Variants in ROBO2 observed in about 807,000 individuals in gnomAD.
ROBO2 encodes the protein roundabout guidance receptor 2, also known as roundabout homolog 2.
In ROBO2, 53 loss-of-function variants were observed where a neutral mutation model predicts 160.8. The ratio of observed to expected loss-of-function variants is 0.33; its 90% CI spans 0.26 to 0.41. The LOEUF is 0.41. Ranked by LOEUF, ROBO2 falls within the 10% of genes least tolerant of loss-of-function variation. The pLI is 1.00. For synonymous variants in ROBO2, 664 were observed against 611.7 expected (o/e 1.09, Z -1.26); for missense variants, 1,577 against 1,722.4 (o/e 0.92, Z 1.49).
chr3:76,172,775 T>C (rs527290527), intron 2 of ROBO2, among the ~76,000 whole-genome samples: 1 of 152,178 alleles, frequency 6.6e-6, no homozygotes, highest in East Asian at 1.9e-4. Flanking sequence ...GGAAACAATT[T>C]AAAAAATAGA....
At chr3:76,276,617 A>AT (rs1371850547) in intron 2 of ROBO2, among the ~76,000 whole-genome samples, 19 of 152,008 alleles carry the variant, frequency 1.2e-4, no homozygotes, top group Non-Finnish European at 2.1e-4. Flanking sequence ...TCTATAATCT[A>AT]TTTTTTGTAA....
intron 2 of ROBO2, among the ~76,000 whole-genome samples, chr3:77,274,164 A>G (rs1197868438): frequency 1.3e-5 from 2 of 152,142 alleles, no homozygotes; most frequent in Admixed American, 6.6e-5. Context: ...TTTTTTCCCA[A>G]GAAACATTCG....
chr3:76,501,636 C>T (rs1388132063), intron 2 of ROBO2, among the ~76,000 whole-genome samples: 3 of 152,150 alleles, frequency 2.0e-5, no homozygotes, highest in African/African-American at 4.8e-5. Flanking sequence ...AGAATTTGAA[C>T]TCAATTTTGA....
At chr3:77,498,330 C>T (rs570981287) in intron 5 of ROBO2, among the ~76,000 whole-genome samples, 7 of 152,198 alleles carry the variant, frequency 4.6e-5, no homozygotes, top group Non-Finnish European at 7.4e-5. Flanking sequence ...TACATTTTTA[C>T]GTATGCCTGC....
At chr3:75,964,685 G>T (rs919893440) in intron 2 of ROBO2, among the ~76,000 whole-genome samples, 1 of 151,584 alleles carries the variant, frequency 6.6e-6, no homozygotes, top group African/African-American at 2.4e-5. Flanking sequence ...CAAAGCACAT[G>T]ATTTAATAGA....
intron 2 of ROBO2, among the ~76,000 whole-genome samples, chr3:76,384,235 G>A (rs761456175): frequency 3.9e-5 from 6 of 152,138 alleles, no homozygotes; most frequent in Non-Finnish European, 5.9e-5. Flanking sequence ...CATAATACAA[G>A]AGAAATGTTA....
At chr3:76,032,786 A>T (rs1426092294) in intron 2 of ROBO2, among the ~76,000 whole-genome samples, 1 of 152,032 alleles carries the variant, frequency 6.6e-6, no homozygotes, top group Non-Finnish European at 1.5e-5. Context: ...TACATTTCTA[A>T]TGTAAAAACT....
intron 2 of ROBO2, among the ~76,000 whole-genome samples, chr3:76,518,447 G>A (rs1011396648): frequency 6.6e-6 from 1 of 152,094 alleles, no homozygotes; most frequent in African/African-American, 2.4e-5. Context: ...AAAGGTAAGA[G>A]TGTGCTCCTC....
intron 2 of ROBO2, among the ~76,000 whole-genome samples, chr3:76,253,553 A>T (rs1056897259): frequency 6.6e-6 from 1 of 150,634 alleles, no homozygotes; most frequent in Admixed American, 6.7e-5. Flanking sequence ...GATTACAGAC[A>T]TGAGTCACCA....
chr3:77,022,870 G>A (rs1039940206), intron 2 of ROBO2, among the ~76,000 whole-genome samples: 2 of 151,962 alleles, frequency 1.3e-5, no homozygotes, highest in Non-Finnish European at 2.9e-5. Context: ...TTGTTGTGCG[G>A]CCACCACCAC....
At chr3:76,373,586 T>C (rs2108498149) in intron 2 of ROBO2, among the ~76,000 whole-genome samples, 1 of 152,098 alleles carries the variant, frequency 6.6e-6, no homozygotes, top group South Asian at 2.1e-4. Flanking sequence ...GGTGATGACT[T>C]TGAAGCCAGC....
At chr3:76,994,098 T>A (rs1055818453) in intron 2 of ROBO2, among the ~76,000 whole-genome samples, 1 of 104,202 alleles carries the variant, frequency 9.6e-6, no homozygotes, top group East Asian at 5.5e-4. Flanking sequence ...TTGTTTTTTT[T>A]TTTTGTTGTT....
At chr3:76,267,002 G>C (rs1212363821) in intron 2 of ROBO2, among the ~76,000 whole-genome samples, 2 of 152,092 alleles carry the variant, frequency 1.3e-5, no homozygotes, top group Admixed American at 6.6e-5. Context: ...AATTGTTTCT[G>C]AAAATGGAAC....
Position 76,293,254 on chromosome 3 carries a change from A to C in ROBO2, c.109+355652A>C, listed in dbSNP as rs151083096. 1.8e-3 allele frequency among the ~76,000 whole-genome samples: 271 copies of C among 152,306 alleles called. 3 individuals carry two copies. In the South Asian group the frequency reaches 0.027, roughly 15 times the overall value. Reference sequence around the variant, plus strand: ...AGCATGTGTTATTTTGGGAATTAGAAAGAATGCCCTTCTAAAGGGCAAAAT... The same window carrying C: ...AGCATGTGTTATTTTGGGAATTAGACAGAATGCCCTTCTAAAGGGCAAAAT... On this transcript the variant is annotated intron_variant, in intron 2 of 26. Coordinates refer to the ROBO2 transcript ENST00000487694.
chr3:77,444,730 C>T (rs1456334692), intron 2 of ROBO2, among the ~76,000 whole-genome samples: 1 of 151,762 alleles, frequency 6.6e-6, no homozygotes, highest in African/African-American at 2.4e-5. Flanking sequence ...CAGAAAATAC[C>T]GAAAAGAACA....
intron 2 of ROBO2, among the ~76,000 whole-genome samples, chr3:76,446,582 A>T (rs1023069415): frequency 6.6e-6 from 1 of 152,020 alleles, no homozygotes; most frequent in Non-Finnish European, 1.5e-5. Context: ...CGCACTGCCA[A>T]GTCAATCCTA....
At chr3:76,181,553 A>G (rs1213038226) in intron 2 of ROBO2, among the ~76,000 whole-genome samples, 1 of 152,164 alleles carries the variant, frequency 6.6e-6, no homozygotes, top group Non-Finnish European at 1.5e-5. Context: ...AAGATATAAT[A>G]TTTTGTATGT....
intron 2 of ROBO2, among the ~76,000 whole-genome samples, chr3:76,179,343 T>A (rs1206454185): frequency 6.6e-6 from 1 of 152,122 alleles, no homozygotes; most frequent in Non-Finnish European, 1.5e-5. Context: ...AGGGCATGAA[T>A]CTTCTTTCCC....
At chr3:76,752,260 G>A (rs2060708252) in intron 2 of ROBO2, among the ~76,000 whole-genome samples, 1 of 151,862 alleles carries the variant, frequency 6.6e-6, no homozygotes, top group Non-Finnish European at 1.5e-5. Context: ...GACACAAGGT[G>A]GGGAACATCA....
Sources: gnomAD v4.1 joint callset for allele counts (sites outside exome capture counted in the v4.1 genomes callset) on GRCh38, gnomAD v4.1.1 for gene constraint, MANE v1.5 for transcripts, NCBI Gene and HGNC (gene_info 2026-07-23, HGNC 2026-07-21) for gene names.